The following ESR1 variants were observed in gnomAD, a reference collection of about 807,000 sequenced individuals.
ESR1 encodes the protein estrogen receptor 1, also known as estrogen receptor.
ESR1 carries 12 observed loss-of-function variants against 52.7 expected under a neutral mutation model. That is an observed-to-expected ratio of 0.23 (90% CI 0.15 to 0.37). The LOEUF is 0.37. ESR1 is among the 10% of genes least tolerant of loss of function. The pLI is 1.00. For missense variants in ESR1, 584 were observed against 779.7 expected, an observed-to-expected ratio of 0.75 and a Z score of 2.99; for synonymous variants, 305 against 316.8, an observed-to-expected ratio of 0.96 and a Z score of 0.39.
intron 4 of ESR1, among the ~76,000 whole-genome samples, chr6:152,008,251 A>G (rs1210472263): frequency 1.3e-5 from 2 of 152,094 alleles, no homozygotes; most frequent in Non-Finnish European, 2.9e-5. Flanking sequence ...CCCAACCCTG[A>G]CCCAGGAACT....
At chr6:151,773,812 G>A (rs1056425182) in intron 2 of ESR1, among the ~76,000 whole-genome samples, 3 of 152,174 alleles carry the variant, frequency 2.0e-5, no homozygotes, top group African/African-American at 4.8e-5. Flanking sequence ...CATCTCCTCT[G>A]GTGGCAAAGG....
intron 4 of ESR1, among the ~76,000 whole-genome samples, chr6:151,993,062 A>G (rs1421806224): frequency 6.6e-6 from 1 of 152,176 alleles, no homozygotes; most frequent in Non-Finnish European, 1.5e-5. Context: ...AAATAAAATT[A>G]TGAAGAGCAA....
Position 152,067,174 on chromosome 6 carries a change from T to A in ESR1, c.1369+6050T>A, listed in dbSNP as rs142284101. On this transcript the variant is annotated intron_variant, in intron 6 of 7. Coordinates refer to ENST00000206249, the MANE Select transcript of ESR1 (RefSeq NM_000125.4). Reference sequence around the variant, plus strand: ...TGATGAAGATGTTCTGTGAATAGAATCATCTCAAGTCCCAAATGGTGTGGA... The same window carrying A: ...TGATGAAGATGTTCTGTGAATAGAAACATCTCAAGTCCCAAATGGTGTGGA... Among the ~76,000 whole-genome samples the A allele has an allele frequency of 3.1e-3, 477 of 152,322 alleles. 6 individuals are homozygous for A. The highest frequency in any genetic ancestry group is 0.011 in the African/African-American group (451 of 41,574).
At chr6:151,855,546 T>G (rs888790302) in intron 2 of ESR1, among the ~76,000 whole-genome samples, 3 of 152,172 alleles carry the variant, frequency 2.0e-5, no homozygotes, top group African/African-American at 7.2e-5. Flanking sequence ...AAACTTAAAA[T>G]AAAATGTAAC....
intron 4 of ESR1, among the ~76,000 whole-genome samples, chr6:151,993,787 G>A (rs1218785006): frequency 6.6e-6 from 1 of 152,168 alleles, no homozygotes; most frequent in African/African-American, 2.4e-5. Flanking sequence ...TGAGTGTCTT[G>A]CCCAAGGCCA....
chr6:151,973,063 TC>T (rs1349497858), intron 4 of ESR1, among the ~76,000 whole-genome samples: 2 of 152,170 alleles, frequency 1.3e-5, no homozygotes, highest in Non-Finnish European at 2.9e-5. Flanking sequence ...GGTCTGCCTT[TC>T]CCAGCTCACT....
intron 1 of ESR1, among the ~76,000 whole-genome samples, chr6:151,827,403 A>G (rs1210849184): frequency 6.6e-6 from 1 of 151,510 alleles, no homozygotes; most frequent in African/African-American, 2.4e-5. Context: ...GTGAGTAAGG[A>G]GAGGAACGTG....
intron 2 of ESR1, among the ~76,000 whole-genome samples, chr6:151,727,098 A>T (rs1781904273): frequency 6.6e-6 from 1 of 152,214 alleles, no homozygotes; most frequent in Admixed American, 6.5e-5. Flanking sequence ...GCTGCTAATG[A>T]TATGTTGTTG....
At chr6:151,862,886 T>G (rs1461237735) in intron 2 of ESR1, among the ~76,000 whole-genome samples, 2 of 152,014 alleles carry the variant, frequency 1.3e-5, no homozygotes, top group Non-Finnish European at 2.9e-5. Context: ...GAAAAGAAGA[T>G]TGTAGATGCC....
At chr6:151,746,499 G>C (rs149597633) in intron 2 of ESR1, among the ~76,000 whole-genome samples, 1 of 152,124 alleles carries the variant, frequency 6.6e-6, no homozygotes, top group Non-Finnish European at 1.5e-5. Context: ...TAATACCTCA[G>C]GTGTATTTTA....
chr6:152,057,294 T>C (rs1238990754), intron 5 of ESR1, among the ~76,000 whole-genome samples: 1 of 152,158 alleles, frequency 6.6e-6, no homozygotes, highest in African/African-American at 2.4e-5. Flanking sequence ...TACCACATAA[T>C]TGGCCAGTCA....
At chr6:152,046,031 T>C (rs1370945752) in intron 5 of ESR1, among the ~76,000 whole-genome samples, 1 of 152,220 alleles carries the variant, frequency 6.6e-6, no homozygotes, top group Non-Finnish European at 1.5e-5. Flanking sequence ...ATGGGACTTT[T>C]CATGGAAGTG....
chr6:151,801,406 A>T (rs1318908636), upstream of ESR1, among the ~76,000 whole-genome samples: 1 of 152,248 alleles, frequency 6.6e-6, no homozygotes, highest in Non-Finnish European at 1.5e-5. Flanking sequence ...ACTAAATTCT[A>T]TTAAGCTTGC....
At chr6:151,778,206 C>G (rs1477409334) in intron 2 of ESR1, among the ~76,000 whole-genome samples, 1 of 151,942 alleles carries the variant, frequency 6.6e-6, no homozygotes, top group African/African-American at 2.4e-5. Flanking sequence ...GGCAAATTCA[C>G]AGGGATAGAA....
At chr6:152,112,012 A>G (rs1229869187) in intron 6 of ESR1, among the ~76,000 whole-genome samples, 1 of 152,254 alleles carries the variant, frequency 6.6e-6, no homozygotes. Flanking sequence ...CTCAAATGCT[A>G]AAGAAACGTG....
intron 1 of ESR1, among the ~76,000 whole-genome samples, chr6:151,684,799 C>A (rs1202733412): frequency 1.3e-5 from 2 of 152,322 alleles, no homozygotes; most frequent in East Asian, 3.9e-4. Context: ...CTCACAGAAG[C>A]CCCCAGTGCT....
chr6:151,682,816 C>T lies in ESR1; in HGVS notation n.74-19059C>T, dbSNP rs1778509438. Among the ~76,000 whole-genome samples, 6 of 152,258 alleles carry T rather than the reference C, an allele frequency of 3.9e-5. No homozygotes were observed. In the South Asian group the frequency reaches 1.2e-3, roughly 32 times the overall value. On this transcript the variant is annotated intron_variant and non_coding_transcript_variant, in intron 1 of 2. Transcript: ENST00000473497. The stretch of plus-strand genomic sequence containing the variant: ...TGTTTGGATATGATTTCAGGGGATT[C>T]CAAATCCCCTGGGGACCCCCCATGT...
chr6:152,091,421 G>A (rs146381703), intron 6 of ESR1, among the ~76,000 whole-genome samples: 2 of 152,206 alleles, frequency 1.3e-5, no homozygotes, highest in Admixed American at 6.5e-5. Context: ...AAACAGGCTT[G>A]TTCTGCAAAT....
At chr6:151,702,236 A>T (rs964372074) in intron 2 of ESR1, among the ~76,000 whole-genome samples, 3 of 152,216 alleles carry the variant, frequency 2.0e-5, no homozygotes, top group Non-Finnish European at 4.4e-5. Flanking sequence ...ATTTAAAAAA[A>T]TCCCCAAGTC....
Sources: allele counts gnomAD v4.1 joint callset (sites outside exome capture counted in the v4.1 genomes callset), GRCh38; gene constraint gnomAD v4.1.1; transcripts MANE v1.5; gene names NCBI Gene and HGNC (gene_info 2026-07-23, HGNC 2026-07-21).